Variants in CUX2 observed in about 807,000 individuals in gnomAD.
CUX2 encodes the protein cut like homeobox 2.
Under a neutral mutation model 144.8 loss-of-function variants are expected in CUX2, and 40 were observed. The observed-to-expected ratio is 0.28, with a 90% CI of 0.21 to 0.36. The LOEUF is 0.36. CUX2 is among the 10% of genes least tolerant of loss of function. The pLI is 1.00. For synonymous variants in CUX2, 827 were observed against 875.6 expected (o/e 0.94, Z 0.98); for missense variants, 1,615 against 1,994.0 (o/e 0.81, Z 3.62).
In CUX2 at chr12:111,084,605, C is replaced by T. The variant is rs181271351; in HGVS notation, c.63+50365C>T. Among the ~76,000 whole-genome samples the T allele has an allele frequency of 1.5e-4, 22 of 151,624 alleles. No homozygotes were observed. The East Asian group carries it at 3.3e-3, about 23-fold the overall frequency. On this transcript the variant is annotated intron_variant, in intron 1 of 21. Transcript: ENST00000261726. ...TAATTAGAACATTAAAGTATTTTAACGCTTACACTTTATATTTCTGCGAAC... is the reference window on the plus strand; with the variant it reads ...TAATTAGAACATTAAAGTATTTTAATGCTTACACTTTATATTTCTGCGAAC...
chr12:111,315,031 G>A (rs1887122079), intron 16 of CUX2, among the ~76,000 whole-genome samples: 2 of 152,124 alleles, frequency 1.3e-5, no homozygotes, highest in African/African-American at 4.8e-5. Flanking sequence ...GTCAAAGACA[G>A]CATCGCAGCA....
chr12:111,179,319 C>T (rs1287702317), intron 1 of CUX2, among the ~76,000 whole-genome samples: 1 of 152,180 alleles, frequency 6.6e-6, no homozygotes, highest in Non-Finnish European at 1.5e-5. Flanking sequence ...AATACCAACA[C>T]CCGCCGTGGA....
chr12:111,305,245 G>T (rs1886515204), intron 10 of CUX2, among the ~76,000 whole-genome samples: 1 of 152,182 alleles, frequency 6.6e-6, no homozygotes, highest in Admixed American at 6.5e-5. Flanking sequence ...ATACCAAGGG[G>T]TGAGATTCAT....
At chr12:111,167,507 C>T (rs771601971) in intron 1 of CUX2, among the ~76,000 whole-genome samples, 5 of 152,296 alleles carry the variant, frequency 3.3e-5, no homozygotes, top group South Asian at 2.1e-4. Context: ...GGGTGACCCC[C>T]GTCCATGGTA....
chr12:111,347,489 G>T (rs1350417479), intron 21 of CUX2, 35 bp from the exon 22 acceptor site: 1 of 1,546,426 alleles, frequency 6.5e-7, no homozygotes, highest in Non-Finnish European at 8.7e-7. Flanking sequence ...GGAGTCCCCT[G>T]TCCAGCCCCA....
chr12:111,239,672 A>G (rs917240371), intron 3 of CUX2, among the ~76,000 whole-genome samples: 2 of 151,306 alleles, frequency 1.3e-5, no homozygotes, highest in Non-Finnish European at 2.9e-5. Flanking sequence ...TTTTTTTCCC[A>G]TCTTGTTATT....
At chr12:111,344,702 C>T (rs1003840971) in intron 21 of CUX2, among the ~76,000 whole-genome samples, 1 of 152,066 alleles carries the variant, frequency 6.6e-6, no homozygotes, top group African/African-American at 2.4e-5. Flanking sequence ...TAGGTGACCC[C>T]TCACAGTTCC....
At chr12:111,323,855 G>A (rs147868449) in intron 18 of CUX2, among the ~76,000 whole-genome samples, 2 of 152,268 alleles carry the variant, frequency 1.3e-5, no homozygotes, top group African/African-American at 4.8e-5. Flanking sequence ...CCTGGAGTTT[G>A]AAATCAGCCT....
chr12:111,315,370 ATAATATCCCTTTAGCAGCATG>A, intron 16 of CUX2, among the ~76,000 whole-genome samples: 1 of 152,250 alleles, frequency 6.6e-6, no homozygotes. Context: ...AGTAAAGCAG[ATAATATCCCTTTAGCAGCATG>A]TGCAGCCCTT....
At chr12:111,254,591 C>T (rs531322637) in intron 3 of CUX2, among the ~76,000 whole-genome samples, 2 of 152,282 alleles carry the variant, frequency 1.3e-5, no homozygotes, top group African/African-American at 4.8e-5. Flanking sequence ...GTGACTTACA[C>T]CTGAATGCTC....
chr12:111,143,024 A>G (rs772559103), intron 1 of CUX2, among the ~76,000 whole-genome samples: 19 of 152,160 alleles, frequency 1.2e-4, no homozygotes, highest in Non-Finnish European at 2.2e-4. Context: ...ATCTATCAAA[A>G]AAGGACTTCC....
intron 5 of CUX2, among the ~76,000 whole-genome samples, chr12:111,292,080 G>A (rs116679905): frequency 2.8e-4 from 43 of 152,280 alleles, no homozygotes; most frequent in East Asian, 7.7e-4. Flanking sequence ...ACCCAGCAGC[G>A]CCACGGCTAG....
chr12:111,137,397 A>C (rs1875968853), intron 1 of CUX2, among the ~76,000 whole-genome samples: 1 of 150,600 alleles, frequency 6.6e-6, no homozygotes, highest in African/African-American at 2.5e-5. Context: ...TGATGTTGTT[A>C]AATAGAATTG....
intron 1 of CUX2, among the ~76,000 whole-genome samples, chr12:111,147,462 C>A (rs941631537): frequency 6.6e-6 from 1 of 152,222 alleles, no homozygotes; most frequent in Non-Finnish European, 1.5e-5. Flanking sequence ...TGTCTTTTCC[C>A]TAGTCCCTGC....
chr12:111,113,065 A>C (rs918287365), intron 1 of CUX2, among the ~76,000 whole-genome samples: 6 of 152,326 alleles, frequency 3.9e-5, no homozygotes, highest in African/African-American at 1.4e-4. Flanking sequence ...GAGGGAGGAA[A>C]GTAAGGGCAT....
chr12:111,095,469 A>G (rs578012619), intron 1 of CUX2, among the ~76,000 whole-genome samples: 4 of 152,240 alleles, frequency 2.6e-5, no homozygotes, highest in Non-Finnish European at 5.9e-5. Context: ...AAAGAAAAAA[A>G]AATGGATGAA....
chr12:111,133,927 G>A (rs1288232508), intron 1 of CUX2, among the ~76,000 whole-genome samples: 1 of 152,142 alleles, frequency 6.6e-6, no homozygotes, highest in Non-Finnish European at 1.5e-5. Context: ...CTTCCCACCT[G>A]TCCCCATCCT....
Position 111,255,218 on chromosome 12 carries a change from C to T in CUX2, c.223-8543C>T, listed in dbSNP as rs1883756448. On this transcript the variant is annotated intron_variant, in intron 3 of 21. Transcript: ENST00000261726. The surrounding 1 kb of genome is among the most constrained non-coding windows in gnomAD (Gnocchi z 4.1). Reference sequence around the variant, plus strand: ...CTCTCTGGGACCCCTGGGTGACCCTCCAGAGGGCCAGAGAGGGTCTCCAAT... The same window carrying T: ...CTCTCTGGGACCCCTGGGTGACCCTTCAGAGGGCCAGAGAGGGTCTCCAAT... 1.3e-5 allele frequency among the ~76,000 whole-genome samples: 2 copies of T among 152,192 alleles called. No homozygotes were observed. The highest frequency in any genetic ancestry group is 2.9e-5 in the Non-Finnish European group (2 of 68,024).
intron 18 of CUX2, among the ~76,000 whole-genome samples, chr12:111,327,692 T>C (rs1887883226): frequency 6.6e-6 from 1 of 152,106 alleles, no homozygotes; most frequent in South Asian, 2.1e-4. Context: ...AGGCAGCGGC[T>C]AGGAGGTGGG....
Sources: allele counts gnomAD v4.1 joint callset (sites outside exome capture counted in the v4.1 genomes callset), GRCh38; gene constraint gnomAD v4.1.1; non-coding constraint Gnocchi (gnomAD v3.1); transcripts MANE v1.5; gene names NCBI Gene and HGNC (gene_info 2026-07-23, HGNC 2026-07-21).